Variants in NUP98 observed in about 807,000 individuals in gnomAD.
NUP98 encodes the protein nucleoporin 98 and 96 precursor.
Under a neutral mutation model 191.9 loss-of-function variants are expected in NUP98, and 26 were observed. The ratio of observed to expected loss-of-function variants is 0.14; its 90% CI spans 0.10 to 0.19. NUP98 has a LOEUF of 0.19. NUP98 is among the 10% of genes least tolerant of loss of function. The pLI is 1.00. For missense variants in NUP98, 1,941 were observed against 2,178.8 expected, an observed-to-expected ratio of 0.89 and a Z score of 2.17; for synonymous variants, 808 against 778.4, an observed-to-expected ratio of 1.04 and a Z score of -0.63.
chr11:3,790,405 T>A (rs1283048867), intron 1 of NUP98, among the ~76,000 whole-genome samples: 1 of 152,196 alleles, frequency 6.6e-6, no homozygotes, highest in East Asian at 1.9e-4. Flanking sequence ...TGAACCAATG[T>A]GAAATATTGT....
intron 28 of NUP98, among the ~76,000 whole-genome samples, chr11:3,688,138 C>T (rs1396236016): frequency 1.3e-5 from 2 of 152,020 alleles, no homozygotes; most frequent in Non-Finnish European, 2.9e-5. Flanking sequence ...GGCACGGTGG[C>T]TCACGCCTGT....
At position 3,788,419 on chromosome 11, in the gene NUP98, A is replaced by G. The variant is rs1418936199; in HGVS notation, c.-28-6274T>C. Among the ~76,000 whole-genome samples, 3 of 152,102 alleles carry G rather than the reference A, an allele frequency of 2.0e-5. No individual in the cohort carries two copies. In the East Asian group the frequency reaches 5.8e-4, roughly 29 times the overall value. On this transcript the variant is annotated intron_variant, in intron 1 of 32. Transcript: ENST00000324932. ...GGAGTTCGAGCCCAGCCTGGCCTACATGGTGAAACCCCCTGTCTCTACTAA... is the reference window on the plus strand; with the variant it reads ...GGAGTTCGAGCCCAGCCTGGCCTACGTGGTGAAACCCCCTGTCTCTACTAA...
chr11:3,780,517 G>A (rs1307404044), intron 2 of NUP98, among the ~76,000 whole-genome samples: 2 of 135,278 alleles, frequency 1.5e-5, no homozygotes, highest in African/African-American at 5.7e-5. Flanking sequence ...ACTCCATCCT[G>A]GGTGACAGAG....
intron 20 of NUP98, chr11:3,711,842 T>A: frequency 9.7e-7 from 1 of 1,031,988 alleles, no homozygotes; most frequent in Non-Finnish European, 1.2e-6. Context: ...AAATGCCTCC[T>A]AAGAGATTAT....
chr11:3,797,307 G>C (rs1245850680), intron 1 of NUP98, 93 bp downstream of exon 1: 3 of 398,306 alleles, frequency 7.5e-6, no homozygotes, highest in Non-Finnish European at 1.3e-5. Flanking sequence ...ACTTCGAAGC[G>C]GAGAGGCCCT....
chr11:3,696,166 G>A (rs191363913), intron 25 of NUP98, among the ~76,000 whole-genome samples: 43 of 152,182 alleles, frequency 2.8e-4, no homozygotes, highest in Admixed American at 2.7e-3. Flanking sequence ...ACTCCAGCCT[G>A]GGCAACAAGA....
At chr11:3,748,660 TAAC>T (rs1174729460) in intron 11 of NUP98, among the ~76,000 whole-genome samples, 1 of 151,620 alleles carries the variant, frequency 6.6e-6, no homozygotes, top group Non-Finnish European at 1.5e-5. Flanking sequence ...CAAAAATTAT[TAAC>T]AACAAAAAAA....
chr11:3,699,589 G>C lies in NUP98; in HGVS notation c.3743-241C>G, dbSNP rs181691882. Reference sequence around the variant, plus strand: ...TTTCTGTGGTACTTACATAACAAATGTAACCGTTAAACAGGTTCCCCAAGC... The same window carrying C: ...TTTCTGTGGTACTTACATAACAAATCTAACCGTTAAACAGGTTCCCCAAGC... On this transcript the variant is annotated intron_variant, in intron 24 of 32. Coordinates refer to ENST00000324932, the MANE Select transcript of NUP98 (RefSeq NM_016320.5). 6.7e-3 allele frequency among the ~76,000 whole-genome samples: 1,018 copies of C among 152,286 alleles called. 12 individuals are homozygous for C. Among genetic ancestry groups the C allele is most frequent in the African/African-American group, 0.023 (975 of 41,546 alleles).
intron 12 of NUP98, among the ~76,000 whole-genome samples, chr11:3,740,418 A>G (rs1046895801): frequency 1.3e-5 from 2 of 152,000 alleles, no homozygotes; most frequent in Non-Finnish European, 2.9e-5. Context: ...GGCTGAGGAA[A>G]GAGAATCACT....
intron 12 of NUP98, among the ~76,000 whole-genome samples, chr11:3,741,889 A>T (rs1158609521): frequency 6.6e-6 from 1 of 152,228 alleles, no homozygotes; most frequent in East Asian, 1.9e-4. Context: ...ACAAGTCCCT[A>T]ATATTAAATT....
chr11:3,795,021 A>G (rs2082481213), intron 1 of NUP98, among the ~76,000 whole-genome samples: 1 of 152,196 alleles, frequency 6.6e-6, no homozygotes. Context: ...ATCATTCTTT[A>G]CTTTCCAGGT....
intron 13 of NUP98, among the ~76,000 whole-genome samples, chr11:3,733,771 T>C (rs2079934904): frequency 1.3e-5 from 2 of 152,240 alleles, no homozygotes; most frequent in African/African-American, 4.8e-5. Flanking sequence ...CCACATACAC[T>C]CTACTGAACC....
intron 4 of NUP98, among the ~76,000 whole-genome samples, chr11:3,776,507 G>A (rs1189108137): frequency 2.7e-5 from 4 of 146,084 alleles, no homozygotes; most frequent in Non-Finnish European, 4.5e-5. Flanking sequence ...TTTTTGAGAC[G>A]GAGTCTCGCT....
intron 1 of NUP98, among the ~76,000 whole-genome samples, chr11:3,787,282 C>T (rs2082173125): frequency 6.6e-6 from 1 of 152,184 alleles, no homozygotes; most frequent in Admixed American, 6.6e-5. Context: ...TTGGTTAGAA[C>T]ATCATATCCT....
At chr11:3,778,711 C>G (rs1484850345) in intron 4 of NUP98, among the ~76,000 whole-genome samples, 162 bp downstream of exon 4, 1 of 152,176 alleles carries the variant, frequency 6.6e-6, no homozygotes, top group Non-Finnish European at 1.5e-5. Context: ...TCCTTTCCAG[C>G]CTATTAACCT....
intron 8 of NUP98, among the ~76,000 whole-genome samples, chr11:3,764,542 A>G (rs2081275854): frequency 6.6e-6 from 1 of 152,190 alleles, no homozygotes; most frequent in Admixed American, 6.5e-5. Context: ...CCAGCAATGT[A>G]TGAGGGTTCC....
intron 10 of NUP98, among the ~76,000 whole-genome samples, chr11:3,756,450 G>A (rs556006553): frequency 6.6e-6 from 1 of 151,684 alleles, no homozygotes; most frequent in East Asian, 1.9e-4. Flanking sequence ...AAATATATTC[G>A]CACACCAAAA....
chr11:3,714,671 T>G (rs2079120738), intron 18 of NUP98: 1 of 163,708 alleles, frequency 6.1e-6, no homozygotes, highest in Non-Finnish European at 1.3e-5. Context: ...TGTGACTGGC[T>G]TACTTCACTT....
In NUP98 at chr11:3,731,550, T is replaced by C. The variant is rs1465851485; in HGVS notation, c.1571A>G (p.Gln524Arg). The change falls in exon 14 of 33, where the codon CAG (glutamine) becomes CGG (arginine). Residue 524 changes from glutamine (Q) to arginine (R), a missense_variant. By Grantham distance (43) the Gln-to-Arg change is conservative. Coordinates refer to ENST00000324932, the MANE Select transcript of NUP98 (RefSeq NM_016320.5). ...ATGAGTAGGTGTAGTAAGAGCCTTC[T>C]GGGCTGCTGGATTTGTTGGTTTCAA... ...ERLKPTNPAA[Q>R]KALTTPTHYK... 6.4e-7 allele frequency: 1 copy of C among 1,571,684 alleles called. No homozygotes were observed. The highest frequency in any genetic ancestry group is 8.6e-7 in the Non-Finnish European group (1 of 1,160,852).
Sources: gnomAD v4.1 joint callset for allele counts (sites outside exome capture counted in the v4.1 genomes callset) on GRCh38, gnomAD v4.1.1 for gene constraint, MANE v1.5 for transcripts, NCBI Gene and HGNC (gene_info 2026-07-23, HGNC 2026-07-21) for gene names.